Variants in LOC728743 observed in about 807,000 individuals in gnomAD.
the LOC728743 span, chr7:150,408,394 C>T: frequency 1.1e-5 from 4 of 361,228 alleles, no homozygotes; most frequent in African/African-American, 2.1e-5. Flanking sequence ...GCCGCCCGCT[C>T]GCGTTCCTCC....
the LOC728743 span, chr7:150,411,967 C>G: frequency 6.5e-6 from 1 of 152,946 alleles, no homozygotes; most frequent in Admixed American, 6.5e-5. Context: ...TTCCTCCTTC[C>G]TGCTCCGAAC....
At chr7:150,403,837 C>G in the LOC728743 span, among the ~76,000 whole-genome samples, 2 of 152,124 alleles carry the variant, frequency 1.3e-5, no homozygotes, top group Non-Finnish European at 2.9e-5. The surrounding 1 kb of genome is among the most constrained non-coding windows in gnomAD (Gnocchi z 5.1). Flanking sequence ...GGCCACAAGC[C>G]AGACGGGTGG....
the LOC728743 span, chr7:150,410,168 T>C: frequency 2.5e-6 from 1 of 398,222 alleles, no homozygotes; most frequent in African/African-American, 2.1e-5. Context: ...AGTTGCAGAG[T>C]GGGCAGGATC....
At chr7:150,410,075 C>T in the LOC728743 span, 4 of 398,516 alleles carry the variant, frequency 1.0e-5, no homozygotes, top group African/African-American at 8.2e-5. Flanking sequence ...CAGCTGATCG[C>T]TCCCTCCTAG....
At chr7:150,409,527 C>T in the LOC728743 span, among the ~76,000 whole-genome samples, 4 of 152,246 alleles carry the variant, frequency 2.6e-5, no homozygotes, top group African/African-American at 9.6e-5. Flanking sequence ...AGCTTGCCTA[C>T]ACCACAGTTG....
the LOC728743 span, among the ~76,000 whole-genome samples, chr7:150,403,699 T>C: frequency 6.6e-6 from 1 of 152,204 alleles, no homozygotes; most frequent in Non-Finnish European, 1.5e-5. The surrounding 1 kb of genome is among the most constrained non-coding windows in gnomAD (Gnocchi z 5.1). Context: ...TCCCTTCCCG[T>C]TGTCTCTGTT....
At chr7:150,403,661 T>C in the LOC728743 span, among the ~76,000 whole-genome samples, 1 of 152,210 alleles carries the variant, frequency 6.6e-6, no homozygotes, top group Non-Finnish European at 1.5e-5. The surrounding 1 kb of genome is among the most constrained non-coding windows in gnomAD (Gnocchi z 5.1). Context: ...ATCTGTCCTA[T>C]GGACTAGTTT....
At chr7:150,403,759 G>T in the LOC728743 span, among the ~76,000 whole-genome samples, 2 of 152,184 alleles carry the variant, frequency 1.3e-5, no homozygotes, top group South Asian at 4.2e-4. The surrounding 1 kb of genome is among the most constrained non-coding windows in gnomAD (Gnocchi z 5.1). Flanking sequence ...CCCACATCCA[G>T]CAGTGAGGTG....
chr7:150,409,084 C>A, the LOC728743 span, among the ~76,000 whole-genome samples: 1 of 144,854 alleles, frequency 6.9e-6, no homozygotes, highest in East Asian at 2.1e-4. Context: ...TGAACCAGGT[C>A]ATGGGGACAA....
At chr7:150,401,408 G>C in the LOC728743 span, among the ~76,000 whole-genome samples, 1 of 152,230 alleles carries the variant, frequency 6.6e-6, no homozygotes, top group Non-Finnish European at 1.5e-5. Context: ...GAGAGGGCAG[G>C]CCCCTCGTGG....
At chr7:150,401,324 G>A in the LOC728743 span, among the ~76,000 whole-genome samples, 2 of 152,238 alleles carry the variant, frequency 1.3e-5, no homozygotes, top group African/African-American at 4.8e-5. Flanking sequence ...CCCAGTCCCG[G>A]GGAGCTGCCT....
the LOC728743 span, chr7:150,412,354 C>G: frequency 6.6e-6 from 1 of 152,296 alleles, no homozygotes; most frequent in South Asian, 2.1e-4. Flanking sequence ...CAGGGACCCC[C>G]ACCCCCACCC....
chr7:150,407,368 G>T, the LOC728743 span, among the ~76,000 whole-genome samples: 1 of 152,198 alleles, frequency 6.6e-6, no homozygotes, highest in South Asian at 2.1e-4. Context: ...GTGCCCTTGG[G>T]AAGGGACTGG....
chr7:150,407,235 G>C, the LOC728743 span, among the ~76,000 whole-genome samples: 2 of 152,192 alleles, frequency 1.3e-5, no homozygotes, highest in Non-Finnish European at 2.9e-5. Context: ...TAGGGTGCTG[G>C]GAGTCGGGGG....
At chr7:150,410,213 C>T in the LOC728743 span, 5 of 398,538 alleles carry the variant, frequency 1.3e-5, no homozygotes, top group Admixed American at 4.4e-5. Flanking sequence ...CATCTGGACA[C>T]GGAGACCAGG....
the LOC728743 span, among the ~76,000 whole-genome samples, chr7:150,407,145 C>T: frequency 3.9e-4 from 59 of 152,254 alleles, no homozygotes; most frequent in South Asian, 1.7e-3. Context: ...AACTGAAACT[C>T]ATCACCATCT....
At chr7:150,401,733 T>C in the LOC728743 span, among the ~76,000 whole-genome samples, 1 of 152,206 alleles carries the variant, frequency 6.6e-6, no homozygotes, top group Non-Finnish European at 1.5e-5. Context: ...GACAGCGCTC[T>C]ATTTCTGTGC....
the LOC728743 span, chr7:150,410,206 C>T: frequency 1.0e-5 from 4 of 398,562 alleles, no homozygotes; most frequent in Non-Finnish European, 1.8e-5. Context: ...CAGAACCCAT[C>T]TGGACACGGA....
the LOC728743 span, chr7:150,408,126 G>T: frequency 2.6e-6 from 1 of 386,092 alleles, no homozygotes; most frequent in East Asian, 3.7e-5. Context: ...CCCCGCTGCG[G>T]CAAGAGCTTC....
Sources: allele counts gnomAD v4.1 joint callset (sites outside exome capture counted in the v4.1 genomes callset), GRCh38; gene constraint gnomAD v4.1.1; non-coding constraint Gnocchi (gnomAD v3.1); transcripts MANE v1.5.